The following NLGN4X variants were observed in gnomAD, a reference collection of about 807,000 sequenced individuals.
NLGN4X encodes the protein neuroligin 4 X-linked, also known as neuroligin-4, X-linked.
NLGN4X carries 3 observed loss-of-function variants against 40.3 expected under a neutral mutation model. That is an observed-to-expected ratio of 0.07 (90% CI 0.03 to 0.19). The LOEUF (loss-of-function observed/expected upper bound fraction) is 0.19, where lower values mean the gene tolerates loss of function less well. Among genes scored for constraint, NLGN4X ranks in the 10% least tolerant of loss-of-function variants. The probability of loss-of-function intolerance (pLI) is 1.00; values close to 1 mark genes in which losing one functional copy is unlikely to be tolerated. For missense variants in NLGN4X, 382 were observed against 708.3 expected, an observed-to-expected ratio of 0.54 and a Z score of 5.23; for synonymous variants, 270 against 306.8, an observed-to-expected ratio of 0.88 and a Z score of 1.25.
At chrX:5,934,417 T>C (rs1018697373) in intron 3 of NLGN4X, among the ~76,000 whole-genome samples, 1 of 111,996 alleles carries the variant, frequency 8.9e-6, no homozygotes, top group African/African-American at 3.2e-5. Flanking sequence ...AATCTGACGA[T>C]GTTGTAAGAT....
rs36167131 is a variant in NLGN4X, at chrX:6,044,106, A to AAAATAAATAAATAAATAAATAAATAAAT, written c.473-14702_473-14675dup. 1.9e-3 allele frequency among the ~76,000 whole-genome samples: 179 copies of AAAATAAATAAATAAATAAATAAATAAAT among 96,432 alleles called. 1 individual carries two copies. The highest frequency in any genetic ancestry group is 4.0e-3 in the East Asian group (12 of 2,985). The allele number at this position is 96,432 out of a possible 115,157, so 83.7% of individuals were successfully genotyped here. ...ACATAATGAGAACCTGTTTCTATTA[A>AAAATAAATAAATAAATAAATAAATAAAT]AAATAAATAAATAAATAAATAAATA... On this transcript the variant is annotated intron_variant, in intron 2 of 5. Coordinates refer to ENST00000381095, the MANE Select transcript of NLGN4X (RefSeq NM_181332.3).
chrX:5,926,934 T>TTCTATCTATCTATCTATCTA (rs3072082), intron 3 of NLGN4X, among the ~76,000 whole-genome samples: 57 of 96,886 alleles, frequency 5.9e-4, no homozygotes, highest in East Asian at 2.3e-3. Flanking sequence ...TCTCTATATC[T>TTCTATCTATCTATCTATCTA]TCTATCTATC....
At chrX:6,224,739 A>G (rs1031416836) in intron 1 of NLGN4X, among the ~76,000 whole-genome samples, 1 of 109,352 alleles carries the variant, frequency 9.1e-6, no homozygotes, top group Admixed American at 9.8e-5. Flanking sequence ...GTTTATTTAA[A>G]TAAAACGCAA....
At chrX:6,049,290 T>G (rs2037416312) in intron 2 of NLGN4X, among the ~76,000 whole-genome samples, 1 of 66,158 alleles carries the variant, frequency 1.5e-5, no homozygotes, top group African/African-American at 5.5e-5. Context: ...AAACAGCAGG[T>G]ACAAGAAAGC....
chrX:5,901,648 A>T (rs1569116808), intron 5 of NLGN4X, among the ~76,000 whole-genome samples: 1 of 110,387 alleles, frequency 9.1e-6, no homozygotes, highest in African/African-American at 3.3e-5. Flanking sequence ...CCTGTGAGAT[A>T]CACATGTATG....
chrX:6,172,371 T>C lies in NLGN4X; in HGVS notation c.-305-20600A>G, dbSNP rs747596074. ...GTCACTTTTGCTTATTTGTATTCTG[T>C]TGTCCTTCCTGAAAATACTCTTCGA... On this transcript the variant is annotated intron_variant, in intron 1 of 5. Transcript: ENST00000381095. 2.7e-5 allele frequency among the ~76,000 whole-genome samples: 3 copies of C among 111,847 alleles called. No homozygotes were observed. The East Asian group carries it at 8.5e-4, about 32-fold the overall frequency.
intron 2 of NLGN4X, among the ~76,000 whole-genome samples, chrX:6,032,225 G>C (rs761906201): frequency 5.6e-5 from 4 of 71,074 alleles, no homozygotes; most frequent in African/African-American, 2.4e-4. Context: ...TGATATTTCA[G>C]CCCCCCCCCC....
At chrX:6,011,969 G>A (rs902350164) in intron 3 of NLGN4X, among the ~76,000 whole-genome samples, 1 of 111,472 alleles carries the variant, frequency 9.0e-6, no homozygotes, top group Admixed American at 9.6e-5. Flanking sequence ...AAAAGTCCAT[G>A]AGTCGTTTTA....
At chrX:5,966,408 G>GT (rs1360119192) in intron 3 of NLGN4X, among the ~76,000 whole-genome samples, 1 of 112,081 alleles carries the variant, frequency 8.9e-6, no homozygotes, top group African/African-American at 3.2e-5. Context: ...GTACTTTGCT[G>GT]TTTTTTTACA....
chrX:6,122,312 C>A (rs1450221816), intron 2 of NLGN4X, among the ~76,000 whole-genome samples: 2 of 111,809 alleles, frequency 1.8e-5, no homozygotes, highest in South Asian at 3.8e-4. Context: ...AATCTCTGCT[C>A]ACTGCAACCT....
At chrX:6,086,591 A>G (rs1316108671) in intron 2 of NLGN4X, among the ~76,000 whole-genome samples, 3 of 111,577 alleles carry the variant, frequency 2.7e-5, no homozygotes, top group Non-Finnish European at 5.6e-5. Flanking sequence ...GTTTGGTTAT[A>G]TTTGTTTAAA....
At chrX:5,908,844 T>C (rs1381381340) in intron 4 of NLGN4X, among the ~76,000 whole-genome samples, 1 of 111,985 alleles carries the variant, frequency 8.9e-6, no homozygotes, top group East Asian at 2.8e-4. Flanking sequence ...TGAGCTATGA[T>C]CATACCACTG....
intron 3 of NLGN4X, among the ~76,000 whole-genome samples, chrX:6,019,447 C>T (rs770649362): frequency 9.0e-6 from 1 of 111,562 alleles, no homozygotes; most frequent in African/African-American, 3.3e-5. Context: ...ATAATAATCA[C>T]GTAGTCTTTA....
chrX:6,144,199 C>T (rs2040003022), intron 2 of NLGN4X, among the ~76,000 whole-genome samples: 1 of 111,137 alleles, frequency 9.0e-6, no homozygotes, highest in Non-Finnish European at 1.9e-5. Flanking sequence ...GATATGATCT[C>T]CTTAGCATGC....
chrX:6,172,660 C>T (rs2040633564), intron 1 of NLGN4X, among the ~76,000 whole-genome samples: 1 of 111,415 alleles, frequency 9.0e-6, no homozygotes, highest in Non-Finnish European at 1.9e-5. Flanking sequence ...ATTCTTTTTT[C>T]AATTTTTAAA....
At chrX:6,038,465 A>G (rs1257639023) in intron 2 of NLGN4X, among the ~76,000 whole-genome samples, 1 of 112,794 alleles carries the variant, frequency 8.9e-6, no homozygotes, top group Non-Finnish European at 1.9e-5. Context: ...GAATAACACT[A>G]CCACAATGAA....
At chrX:6,150,918 C>T in intron 2 of NLGN4X, 77 bp downstream of exon 2, 1 of 809,286 alleles carries the variant, frequency 1.2e-6, no homozygotes, top group Non-Finnish European at 1.9e-6. Flanking sequence ...ATGCATGAGA[C>T]ATTATAAAAC....
At position 6,198,269 on chromosome X, in the gene NLGN4X, C is replaced by CAG. The variant is rs1480887703; in HGVS notation, c.-306+30270_-306+30271dup. Among the ~76,000 whole-genome samples, 3 of 111,149 alleles carry CAG rather than the reference C, an allele frequency of 2.7e-5. No individual in the cohort carries two copies. In the Admixed American group the frequency reaches 2.9e-4, roughly 11 times the overall value. ...CATTACAACTAAAGATTTGGGGGTT[C>CAG]AGAGAGATGCACATAGCCATTCCAA... is the stretch of plus-strand genomic sequence containing the variant. On this transcript the variant is annotated intron_variant, in intron 1 of 5. Transcript: ENST00000381095.
chrX:6,136,584 G>A (rs1173380033), intron 2 of NLGN4X, among the ~76,000 whole-genome samples: 1 of 112,080 alleles, frequency 8.9e-6, no homozygotes, highest in Non-Finnish European at 1.9e-5. Context: ...TGTTTAATAT[G>A]GCTGCTCTTT....
Sources: gnomAD v4.1 joint callset for allele counts (sites outside exome capture counted in the v4.1 genomes callset) on GRCh38, gnomAD v4.1.1 for gene constraint, MANE v1.5 for transcripts, NCBI Gene and HGNC (gene_info 2026-07-23, HGNC 2026-07-21) for gene names.